Variants in PITPNC1 observed in about 807,000 individuals in gnomAD.
PITPNC1 encodes the protein phosphatidylinositol transfer protein cytoplasmic 1, also known as cytoplasmic phosphatidylinositol transfer protein 1.
A neutral mutation model predicts 44.7 loss-of-function variants in PITPNC1; 18 were observed. That is an observed-to-expected ratio of 0.40 (90% confidence interval 0.28 to 0.60). The LOEUF (loss-of-function observed/expected upper bound fraction) is 0.60. Among genes scored for constraint, PITPNC1 ranks in the 20% least tolerant of loss-of-function variants. The probability of loss-of-function intolerance (pLI) is 0.39; values close to 1 mark genes in which losing one functional copy is unlikely to be tolerated. For missense variants in PITPNC1, 290 were observed against 418.4 expected, an observed-to-expected ratio of 0.69 and a Z score of 2.68; for synonymous variants, 141 against 149.6, an observed-to-expected ratio of 0.94 and a Z score of 0.42.
chr17:67,669,688 G>C, intron 7 of PITPNC1, 25 bp downstream of exon 7: 4 of 1,545,834 alleles, frequency 2.6e-6, no homozygotes, highest in Non-Finnish European at 2.6e-6. Flanking sequence ...AGCAGTTCCT[G>C]GGCTGTGGAC....
intron 2 of PITPNC1, among the ~76,000 whole-genome samples, chr17:67,539,051 G>A (rs1242779623): frequency 6.6e-6 from 1 of 151,028 alleles, no homozygotes; most frequent in Non-Finnish European, 1.5e-5. Flanking sequence ...AAATGAGAAT[G>A]GCTAATATAA....
At chr17:67,473,538 C>G (rs952818387) in intron 1 of PITPNC1, among the ~76,000 whole-genome samples, 3 of 151,860 alleles carry the variant, frequency 2.0e-5, no homozygotes, top group Admixed American at 1.3e-4. Flanking sequence ...TCACCGACCT[C>G]GTGATCTGCA....
intron 2 of PITPNC1, 83 bp from the exon 3 acceptor site, chr17:67,552,174 C>T: frequency 2.6e-6 from 2 of 774,164 alleles, no homozygotes; most frequent in South Asian, 1.4e-5. Flanking sequence ...CCTGATTTCT[C>T]CAGCATTTTA....
At chr17:67,411,832 T>G (rs2038503402) in intron 1 of PITPNC1, among the ~76,000 whole-genome samples, 1 of 152,076 alleles carries the variant, frequency 6.6e-6, no homozygotes, top group Non-Finnish European at 1.5e-5. Context: ...TACACAACAA[T>G]CCTGGGAAAT....
At chr17:67,563,935 G>C (rs144866643) in intron 4 of PITPNC1, among the ~76,000 whole-genome samples, 163 of 152,282 alleles carry the variant, frequency 1.1e-3, no homozygotes, top group Middle Eastern at 0.01. Context: ...ATGTAGATTA[G>C]ATAGATGGAT....
chr17:67,492,002 CT>C (rs11317057), intron 1 of PITPNC1, among the ~76,000 whole-genome samples: 79 of 138,132 alleles, frequency 5.7e-4, no homozygotes, highest in Admixed American at 5.8e-4. Flanking sequence ...CTTTTTTTTT[CT>C]TTTTTTTTTA....
At chr17:67,407,245 A>G (rs1228213338) in intron 1 of PITPNC1, among the ~76,000 whole-genome samples, 8 of 152,096 alleles carry the variant, frequency 5.3e-5, no homozygotes, top group Admixed American at 5.2e-4. Context: ...TTTGATTTGC[A>G]TTTCCCTAAT....
chr17:67,630,976 C>T (rs1031101050), intron 5 of PITPNC1, among the ~76,000 whole-genome samples: 3 of 151,388 alleles, frequency 2.0e-5, no homozygotes, highest in African/African-American at 4.8e-5. Flanking sequence ...CCTCCCAAAG[C>T]GCTGCGATTA....
chr17:67,531,972 T>C (rs1172156627), intron 1 of PITPNC1, among the ~76,000 whole-genome samples: 2 of 152,220 alleles, frequency 1.3e-5, no homozygotes, highest in African/African-American at 4.8e-5. Context: ...AAATGCCTGC[T>C]GGTCCCAGGG....
intron 5 of PITPNC1, among the ~76,000 whole-genome samples, chr17:67,608,492 T>C (rs1422306974): frequency 0.033 from 1,797 of 54,558 alleles, 8 homozygotes; most frequent in Middle Eastern, 0.22. Flanking sequence ...GTTTCTCAGC[T>C]TTTTTTTTTT....
intron 1 of PITPNC1, among the ~76,000 whole-genome samples, chr17:67,489,376 C>T (rs1293249571): frequency 6.6e-6 from 1 of 152,194 alleles, no homozygotes; most frequent in East Asian, 1.9e-4. Flanking sequence ...CAGAGAGGAT[C>T]TCAGAATGAA....
rs149569838 is a variant in PITPNC1, at chr17:67,618,063, A to G, written c.367-14080A>G. Reference sequence around the variant, plus strand: ...AGTCCTACTCCTGACTATTGACCCTATGAAAATGAAAACCAGGCCAGGTGC... The same window carrying G: ...AGTCCTACTCCTGACTATTGACCCTGTGAAAATGAAAACCAGGCCAGGTGC... On this transcript the variant is annotated intron_variant, in intron 5 of 8. Transcript: ENST00000581322. Among the ~76,000 whole-genome samples, 214 of 152,200 alleles carry G rather than the reference A, an allele frequency of 1.4e-3. 1 individual carries two copies. Among genetic ancestry groups the G allele is most frequent in the Middle Eastern group, 6.8e-3 (2 of 294 alleles).
intron 5 of PITPNC1, among the ~76,000 whole-genome samples, chr17:67,595,568 G>A (rs567368727): frequency 1.3e-5 from 2 of 151,942 alleles, no homozygotes; most frequent in Non-Finnish European, 2.9e-5. Context: ...TTGATGCGCT[G>A]AAATCATTGC....
intron 5 of PITPNC1, among the ~76,000 whole-genome samples, chr17:67,621,224 T>TTA (rs1392884435): frequency 6.6e-6 from 1 of 150,552 alleles, no homozygotes; most frequent in African/African-American, 2.5e-5. Context: ...TTATTTTATT[T>TTA]TAAGACAAAG....
intron 1 of PITPNC1, among the ~76,000 whole-genome samples, chr17:67,504,067 G>T (rs544450122): frequency 4.6e-5 from 7 of 152,182 alleles, no homozygotes; most frequent in Non-Finnish European, 8.8e-5. Context: ...CTGTGCTTTG[G>T]GAGAGACAGA....
At chr17:67,511,049 A>G (rs1448494399) in intron 1 of PITPNC1, among the ~76,000 whole-genome samples, 1 of 152,012 alleles carries the variant, frequency 6.6e-6, no homozygotes, top group East Asian at 1.9e-4. Flanking sequence ...TTCTTTTTCT[A>G]TTCATATATG....
chr17:67,481,158 G>T lies in PITPNC1; in HGVS notation c.49-51644G>T, dbSNP rs540868983. ...GGAGGCGGAGGTTGCAGTGCGCTGA[G>T]ATCGTGCCACTGCACCTCCAGCCTA... On this transcript the variant is annotated intron_variant, in intron 1 of 8. Coordinates refer to ENST00000581322, the MANE Select transcript of PITPNC1 (RefSeq NM_012417.4). Among the ~76,000 whole-genome samples, 4 of 152,378 alleles carry T rather than the reference G, an allele frequency of 2.6e-5. No homozygotes were observed. In the East Asian group the frequency reaches 7.7e-4, roughly 29 times the overall value.
chr17:67,553,557 T>C, intron 3 of PITPNC1, 53 bp from the exon 4 acceptor site: 2 of 882,790 alleles, frequency 2.3e-6, no homozygotes, highest in Non-Finnish European at 3.4e-6. Context: ...ATCTAAATCA[T>C]CTTTTGTCTC....
intron 2 of PITPNC1, among the ~76,000 whole-genome samples, chr17:67,535,644 TAGTA>T (rs2040517530): frequency 6.6e-6 from 1 of 152,098 alleles, no homozygotes; most frequent in Non-Finnish European, 1.5e-5. Context: ...CTTCCAGTAA[TAGTA>T]AGGAAAAAGA....
Sources: gnomAD v4.1 joint callset for allele counts (sites outside exome capture counted in the v4.1 genomes callset) on GRCh38, gnomAD v4.1.1 for gene constraint, MANE v1.5 for transcripts, NCBI Gene and HGNC (gene_info 2026-07-23, HGNC 2026-07-21) for gene names.